Variants in CFAP251 observed in about 807,000 individuals in gnomAD.
CFAP251 encodes cilia- and flagella-associated protein 251.
In CFAP251, 93 loss-of-function variants were observed where a neutral mutation model predicts 126.7. The ratio of observed to expected loss-of-function variants is 0.73; its 90% CI spans 0.62 to 0.87. The LOEUF is 0.87. Ranked by LOEUF, CFAP251 falls within the 40% of genes least tolerant of loss-of-function variation. The probability of loss-of-function intolerance (pLI) is 0.00; values close to 1 mark genes in which losing one functional copy is unlikely to be tolerated. For missense variants in CFAP251, 1,287 were observed against 1,389.2 expected, an observed-to-expected ratio of 0.93 and a Z score of 1.17; for synonymous variants, 503 against 506.9, an observed-to-expected ratio of 0.99 and a Z score of 0.10.
chr12:121,968,309 G>C (rs1052117329), intron 17 of CFAP251, 140 bp downstream of exon 17: 2 of 760,394 alleles, frequency 2.6e-6, no homozygotes, highest in Non-Finnish European at 4.0e-6. Context: ...CTCCCCGGTG[G>C]CATTGCTCAC....
chr12:121,969,934 A>T, intron 17 of CFAP251: 1 of 985,446 alleles, frequency 1.0e-6, no homozygotes, highest in East Asian at 1.1e-4. Context: ...TGTGGTGGGG[A>T]CAAAGGATCA....
chr12:121,921,383 T>G lies in CFAP251; in HGVS notation c.78T>G (p.Pro26=). Reference sequence around the variant, plus strand: ...CAGAAATGAAAGAAGAGGAGGAACCTAATCCAAATTATAAAGAAGTAGAAG... The same window carrying G: ...CAGAAATGAAAGAAGAGGAGGAACCGAATCCAAATTATAAAGAAGTAGAAG... ...GETEMKEEEE[P]NPNYKEVEDP... The change falls in exon 2 of 22, where the codon CCT becomes CCG. Residue 26 remains proline, a synonymous_variant. Transcript: ENST00000288912. 6.2e-7 allele frequency: 1 copy of G among 1,611,478 alleles called. No individual in the cohort carries two copies. The highest frequency in any genetic ancestry group is 8.5e-7 in the Non-Finnish European group (1 of 1,179,242).
At position 122,003,707 on chromosome 12, in the gene CFAP251, C is replaced by A. The variant is rs202063312; in HGVS notation, c.3393C>A (p.Phe1131Leu). The change falls in exon 22 of 22, where the codon TTC (phenylalanine) becomes TTA (leucine). Residue 1131 changes from phenylalanine (F) to leucine (L), a missense_variant. By Grantham distance (22) the Phe-to-Leu change is conservative. Transcript: ENST00000288912. ...CAGACGAAATCACTGCAGAAATATT[C>A]GCGACTGAAATTCTTGGCTTAACCA... ...ELPDEITAEI[F>L]ATEILGLTIS... 3.8e-4 allele frequency: 607 copies of A among 1,609,784 alleles called. No individual in the cohort carries two copies. The highest frequency in any genetic ancestry group is 4.9e-4 in the Non-Finnish European group (572 of 1,178,752).
chr12:121,935,126 G>T (rs1238007607), intron 5 of CFAP251, among the ~76,000 whole-genome samples: 1 of 151,928 alleles, frequency 6.6e-6, no homozygotes, highest in Non-Finnish European at 1.5e-5. Context: ...TTATTTTATT[G>T]TATTATATTT....
At chr12:121,926,371 G>C (rs147980091) in intron 3 of CFAP251, among the ~76,000 whole-genome samples, 4 of 151,228 alleles carry the variant, frequency 2.6e-5, no homozygotes, top group Admixed American at 2.6e-4. Context: ...CTATCACCCA[G>C]ACTGGAGTGC....
At chr12:121,987,174 C>A (rs1882769957) in intron 19 of CFAP251, among the ~76,000 whole-genome samples, 1 of 152,152 alleles carries the variant, frequency 6.6e-6, no homozygotes. Context: ...GAGAAGCCCT[C>A]AGTATGTTGG....
chr12:121,942,405 C>A, intron 5 of CFAP251, 129 bp from the exon 6 acceptor site: 1 of 592,292 alleles, frequency 1.7e-6, no homozygotes. Flanking sequence ...CAGAAAGATT[C>A]CACTGTATGG....
At chr12:121,919,086 C>T (rs1880043463) in intron 1 of CFAP251, among the ~76,000 whole-genome samples, 1 of 151,680 alleles carries the variant, frequency 6.6e-6, no homozygotes, top group Admixed American at 6.6e-5. Flanking sequence ...GTCACTTCAC[C>T]TCTCAGAGCC....
intron 17 of CFAP251, among the ~76,000 whole-genome samples, chr12:121,972,285 G>A (rs1450593526): frequency 6.6e-6 from 1 of 152,198 alleles, no homozygotes; most frequent in African/African-American, 2.4e-5. Context: ...TTGTTGAATG[G>A]CTTTAGCCAA....
In CFAP251 at chr12:121,974,581, G is replaced by A. The variant is rs935119733; in HGVS notation, c.2772-663G>A. 9.2e-5 allele frequency among the ~76,000 whole-genome samples: 14 copies of A among 152,050 alleles called. 1 individual carries two copies. The highest frequency in any genetic ancestry group is 8.3e-4 in the South Asian group (4 of 4,814). On this transcript the variant is annotated intron_variant, in intron 17 of 21. Coordinates refer to ENST00000288912, the MANE Select transcript of CFAP251 (RefSeq NM_144668.6). This position sits in a 1 kb window ranked among gnomAD's most constrained non-coding sequence, Gnocchi z 4.6. ...GTCTACATGAGGTGTGCTTGATGTC[G>A]CAGCAAAAAGGCTAATCACCCGATT...
chr12:121,993,566 G>C (rs1012782285), intron 19 of CFAP251, among the ~76,000 whole-genome samples: 1 of 142,222 alleles, frequency 7.0e-6, no homozygotes, highest in African/African-American at 2.6e-5. Flanking sequence ...AGTGAGGAGC[G>C]TCTCTGCCCG....
chr12:121,929,137 A>G (rs1163582799), intron 3 of CFAP251, among the ~76,000 whole-genome samples: 3 of 151,984 alleles, frequency 2.0e-5, no homozygotes, highest in Non-Finnish European at 4.4e-5. Flanking sequence ...CCTGGCCAAC[A>G]TGGTGAAACC....
At chr12:121,945,431 C>T (rs1881283856) in intron 7 of CFAP251, among the ~76,000 whole-genome samples, 2 of 151,758 alleles carry the variant, frequency 1.3e-5, no homozygotes, top group South Asian at 4.2e-4. Context: ...GCAACCTCTG[C>T]CTCCTGGGTT....
intron 19 of CFAP251, among the ~76,000 whole-genome samples, chr12:121,982,040 G>A (rs1227116795): frequency 2.0e-5 from 3 of 152,150 alleles, no homozygotes; most frequent in African/African-American, 7.2e-5. Context: ...CTGTGGATCC[G>A]TGATTCCAGA....
At chr12:121,934,600 G>T (rs1009311648) in intron 5 of CFAP251, among the ~76,000 whole-genome samples, 6 of 152,192 alleles carry the variant, frequency 3.9e-5, no homozygotes, top group Admixed American at 1.3e-4. Context: ...TTTAGTGGCT[G>T]GTCATGCTGC....
intron 15 of CFAP251, among the ~76,000 whole-genome samples, chr12:121,964,087 T>C (rs961706323): frequency 6.6e-6 from 1 of 152,172 alleles, no homozygotes; most frequent in Non-Finnish European, 1.5e-5. Context: ...AAGACTATCA[T>C]GGTTTTGAAA....
At chr12:121,993,699 C>G (rs1343840953) in intron 19 of CFAP251, among the ~76,000 whole-genome samples, 1 of 148,114 alleles carries the variant, frequency 6.8e-6, no homozygotes, top group Non-Finnish European at 1.5e-5. Context: ...CCCGGCCGCC[C>G]CGTCTGAGAA....
At position 121,921,501 on chromosome 12, in the gene CFAP251, G is replaced by GAGAAAGA. The variant is rs1555215326; in HGVS notation, c.196_197insAGAAAGA (p.Gly66GlufsTer15). On this transcript the variant is annotated frameshift_variant, in exon 2 of 22. Coordinates refer to ENST00000288912, the MANE Select transcript of CFAP251 (RefSeq NM_144668.6). LOFTEE classifies it high-confidence loss of function. ...GGGCGAGGAGGAAGGGGAGGAGGAGGGGAAGGAGGACAAAAAGATTGTCAT... is the reference window on the plus strand; with the variant it reads ...GGGCGAGGAGGAAGGGGAGGAGGAGGAGAAAGAGGAAGGAGGACAAAAAGATTGTCAT... 42 of 1,613,252 alleles carry GAGAAAGA rather than the reference G, an allele frequency of 2.6e-5. No homozygotes were observed. The South Asian group carries it at 2.6e-4, about 10-fold the overall frequency.
chr12:121,999,467 C>T, intron 19 of CFAP251: 1 of 269,534 alleles, frequency 3.7e-6, no homozygotes, highest in South Asian at 6.4e-5. Context: ...CCTCAACTTC[C>T]AGGGTTCAAG....
Sources: allele counts gnomAD v4.1 joint callset (sites outside exome capture counted in the v4.1 genomes callset), GRCh38; gene constraint gnomAD v4.1.1; non-coding constraint Gnocchi (gnomAD v3.1); transcripts MANE v1.5; gene names NCBI Gene and HGNC (gene_info 2026-07-23, HGNC 2026-07-21).